APBB2: variants seen among roughly 807,000 people sequenced by gnomAD.
APBB2 encodes the protein amyloid beta precursor protein binding family B member 2.
Under a neutral mutation model 82.5 loss-of-function variants are expected in APBB2, and 38 were observed. The ratio of observed to expected loss-of-function variants is 0.46; its 90% confidence interval spans 0.36 to 0.60. The LOEUF is 0.60. Among genes scored for constraint, APBB2 ranks in the 20% least tolerant of loss-of-function variants. The pLI is 0.00. For missense variants in APBB2, 772 were observed against 972.3 expected (o/e 0.79, Z 2.74); for synonymous variants, 341 against 368.2 (o/e 0.93, Z 0.85).
chr4:40,871,591 T>A (rs946923075), intron 12 of APBB2, among the ~76,000 whole-genome samples: 9 of 152,248 alleles, frequency 5.9e-5, no homozygotes, highest in African/African-American at 2.2e-4. Context: ...TTCAGCCACA[T>A]TTTTGTATAA....
At chr4:41,146,653 T>C (rs1444016356) in intron 1 of APBB2, among the ~76,000 whole-genome samples, 1 of 152,228 alleles carries the variant, frequency 6.6e-6, no homozygotes, top group Non-Finnish European at 1.5e-5. Flanking sequence ...ACTTTTTGTG[T>C]TACATCTACC....
chr4:41,125,532 G>A (rs540146286), intron 2 of APBB2, among the ~76,000 whole-genome samples: 35 of 151,496 alleles, frequency 2.3e-4, no homozygotes, highest in Admixed American at 8.5e-4. Flanking sequence ...AGGATACATC[G>A]AAAAAAAACA....
At position 41,151,418 on chromosome 4, in the gene APBB2, A is replaced by C. The variant is rs562493202; in HGVS notation, c.-416-8276T>G. Among the ~76,000 whole-genome samples the C allele has an allele frequency of 7.9e-5, 12 of 152,274 alleles. 1 individual carries two copies. Among genetic ancestry groups the C allele is most frequent in the African/African-American group, 2.9e-4 (12 of 41,554 alleles). ...AGCATGACTGAGGAGCTAAATTTTT[A>C]ATTTATTTAATTTTAATTAATGAGA... On this transcript the variant is annotated intron_variant, in intron 1 of 17. Coordinates refer to ENST00000508593, the MANE Select transcript of APBB2 (RefSeq NM_004307.2).
chr4:41,203,336 G>A (rs1777173693), intron 1 of APBB2, among the ~76,000 whole-genome samples: 1 of 151,988 alleles, frequency 6.6e-6, no homozygotes, highest in Non-Finnish European at 1.5e-5. Context: ...ATAAACTGAT[G>A]GAATGCAGAA....
At chr4:41,090,152 T>A (rs1159886596) in intron 3 of APBB2, among the ~76,000 whole-genome samples, 3 of 152,196 alleles carry the variant, frequency 2.0e-5, no homozygotes, top group Non-Finnish European at 4.4e-5. Context: ...AGGGAAAAAT[T>A]TGAATTTAAC....
At chr4:41,131,808 G>C (rs1443778429) in intron 2 of APBB2, among the ~76,000 whole-genome samples, 1 of 152,172 alleles carries the variant, frequency 6.6e-6, no homozygotes, top group Admixed American at 6.5e-5. Context: ...GGGAGGCCAA[G>C]GCGGGTGGAT....
At chr4:40,880,870 A>C (rs376092511) in intron 12 of APBB2, 5 of 985,390 alleles carry the variant, frequency 5.1e-6, no homozygotes, top group Admixed American at 1.2e-4. Context: ...TTTGAGCCAG[A>C]GTTACCAAAA....
chr4:41,186,689 G>T (rs527871350), intron 1 of APBB2, among the ~76,000 whole-genome samples: 1 of 152,224 alleles, frequency 6.6e-6, no homozygotes, highest in Non-Finnish European at 1.5e-5. Context: ...GACTTACATT[G>T]CAATAAACCC....
intron 3 of APBB2, among the ~76,000 whole-genome samples, chr4:41,086,015 T>C (rs1474129329): frequency 6.6e-6 from 1 of 152,128 alleles, no homozygotes; most frequent in Admixed American, 6.5e-5. Flanking sequence ...ATTACCACTG[T>C]TTCTACAGCA....
At chr4:41,000,812 CAT>C (rs1804999074) in intron 6 of APBB2, among the ~76,000 whole-genome samples, 1 of 152,000 alleles carries the variant, frequency 6.6e-6, no homozygotes, top group Non-Finnish European at 1.5e-5. Flanking sequence ...ATGTGTTCTG[CAT>C]AGAGTCCATT....
intron 10 of APBB2, among the ~76,000 whole-genome samples, chr4:40,904,701 T>A (rs1027134839): frequency 1.6e-4 from 24 of 149,556 alleles, no homozygotes; most frequent in South Asian, 2.1e-4. Flanking sequence ...TTTTTTTTTT[T>A]AAATACTGAA....
At chr4:41,183,303 C>T (rs1271512191) in intron 1 of APBB2, among the ~76,000 whole-genome samples, 2 of 152,142 alleles carry the variant, frequency 1.3e-5, no homozygotes, top group East Asian at 3.9e-4. Flanking sequence ...CCTTTATAAA[C>T]CTAAGTTGGA....
chr4:41,018,297 C>G (rs777924840), intron 5 of APBB2, among the ~76,000 whole-genome samples: 1 of 152,186 alleles, frequency 6.6e-6, no homozygotes, highest in Non-Finnish European at 1.5e-5. Context: ...CTGCTATGTG[C>G]TTTCAGGCTT....
At chr4:40,816,364 C>A in intron 17 of APBB2, 105 bp from the exon 18 acceptor site, 1 of 1,150,062 alleles carries the variant, frequency 8.7e-7, no homozygotes. Flanking sequence ...CAAAGGTTAA[C>A]GACCTAGTTC....
intron 1 of APBB2, among the ~76,000 whole-genome samples, chr4:41,213,649 T>C (rs894268923): frequency 3.3e-5 from 5 of 152,228 alleles, no homozygotes; most frequent in Admixed American, 6.5e-5. Flanking sequence ...TCCAGCTCTG[T>C]TCTCGCCGCA....
At chr4:41,157,745 C>T (rs564852450) in intron 1 of APBB2, among the ~76,000 whole-genome samples, 9 of 152,330 alleles carry the variant, frequency 5.9e-5, no homozygotes, top group Non-Finnish European at 1.0e-4. Flanking sequence ...AATCCCAGCA[C>T]TTTGGGAGGA....
chr4:40,979,506 A>G (rs1426933342), intron 6 of APBB2, among the ~76,000 whole-genome samples: 1 of 152,250 alleles, frequency 6.6e-6, no homozygotes, highest in East Asian at 1.9e-4. Context: ...TAAGATCCAT[A>G]GTCAACTGTT....
Position 41,011,320 on chromosome 4 carries a change from A to G in APBB2, c.835+2263T>C, listed in dbSNP as rs184187051. 2.6e-3 allele frequency among the ~76,000 whole-genome samples: 394 copies of G among 151,990 alleles called. 1 individual carries two copies. The highest frequency in any genetic ancestry group is 8.8e-3 in the African/African-American group (363 of 41,436). The stretch of plus-strand genomic sequence containing the variant: ...CTCAGCCTCCCGAGTAGCTGGGACT[A>G]CAGGCACGCACCACCACACCAAGCT... On this transcript the variant is annotated intron_variant, in intron 6 of 17. Transcript: ENST00000508593.
rs1799221259 is a variant in APBB2, at chr4:40,982,400, G to GGAAAGGAAAGGAAAGAAA, written c.835+31182_835+31183insTTTCTTTCCTTTCCTTTC. Among the ~76,000 whole-genome samples the GGAAAGGAAAGGAAAGAAA allele has an allele frequency of 2.5e-4, 4 of 16,052 alleles. 1 individual carries two copies. Among genetic ancestry groups the GGAAAGGAAAGGAAAGAAA allele is most frequent in the African/African-American group, 7.9e-4 (4 of 5,050 alleles). The allele number at this position is 16,052 out of a possible 152,430, so 10.5% of individuals were successfully genotyped here. ...GAAGGAAGGAAGGAAGGAAAGGAAA[G>GGAAAGGAAAGGAAAGAAA]GAAAGAAAGAAAGAAAGAAAGAAAG... is the stretch of plus-strand genomic sequence containing the variant. On this transcript the variant is annotated intron_variant, in intron 6 of 17. Coordinates refer to ENST00000508593, the MANE Select transcript of APBB2 (RefSeq NM_004307.2).
Sources: gnomAD v4.1 joint callset for allele counts (sites outside exome capture counted in the v4.1 genomes callset) on GRCh38, gnomAD v4.1.1 for gene constraint, MANE v1.5 for transcripts, NCBI Gene and HGNC (gene_info 2026-07-23, HGNC 2026-07-21) for gene names.